Variants in GRAMD2B observed in about 807,000 individuals in gnomAD.
GRAMD2B encodes the protein GRAM domain containing 2B, also known as GRAM domain-containing protein 2B.
Under a neutral mutation model 59.2 loss-of-function variants are expected in GRAMD2B, and 41 were observed. That is an observed-to-expected ratio of 0.69 (90% CI 0.54 to 0.90). The LOEUF is 0.90. Ranked by LOEUF, GRAMD2B falls within the 40% of genes least tolerant of loss-of-function variation. GRAMD2B has a pLI of 0.00. For synonymous variants in GRAMD2B, 161 were observed against 182.7 expected (o/e 0.88, Z 0.96); for missense variants, 424 against 500.5 (o/e 0.85, Z 1.46).
intron 1 of GRAMD2B, among the ~76,000 whole-genome samples, chr5:126,424,450 G>A (rs1561502072): frequency 6.6e-6 from 1 of 152,150 alleles, no homozygotes; most frequent in African/African-American, 2.4e-5. Context: ...ATTTAGGAAG[G>A]AGGGATATGT....
chr5:126,463,280 C>A (rs551535739), intron 1 of GRAMD2B, among the ~76,000 whole-genome samples: 2 of 152,172 alleles, frequency 1.3e-5, no homozygotes, highest in African/African-American at 4.8e-5. Context: ...CAGTAAATAT[C>A]TGAATAAATG....
At chr5:126,371,022 T>C (rs1370948875), upstream of GRAMD2B, among the ~76,000 whole-genome samples, 3 of 152,202 alleles carry the variant, frequency 2.0e-5, no homozygotes, top group African/African-American at 7.2e-5. Flanking sequence ...TCCACATTGC[T>C]CACCCTGTTG....
At chr5:126,486,624 G>A (rs1045183223) in intron 11 of GRAMD2B, among the ~76,000 whole-genome samples, 3 of 152,188 alleles carry the variant, frequency 2.0e-5, no homozygotes, top group Non-Finnish European at 4.4e-5. Context: ...GTCTGGCTCT[G>A]ACCAGTGCTA....
At chr5:126,448,895 C>A (rs1764828898) in intron 1 of GRAMD2B, among the ~76,000 whole-genome samples, 2 of 152,186 alleles carry the variant, frequency 1.3e-5, no homozygotes, top group South Asian at 4.1e-4. Context: ...GCCTCAAACA[C>A]CTGTCTAACA....
At chr5:126,475,093 TTTACCCTGGAAAAATGTTACCA>T (rs1198709551) in intron 5 of GRAMD2B, among the ~76,000 whole-genome samples, 3 of 152,030 alleles carry the variant, frequency 2.0e-5, no homozygotes, top group Non-Finnish European at 2.9e-5. Flanking sequence ...TCTAAAGCAG[TTTACCCTGGAAAAATGTTACCA>T]TTACCCTGGA....
At chr5:126,380,813 G>C (rs572128552) in intron 1 of GRAMD2B, among the ~76,000 whole-genome samples, 268 of 152,180 alleles carry the variant, frequency 1.8e-3, no homozygotes, top group African/African-American at 6.2e-3. Flanking sequence ...GAGTTTTTAG[G>C]GTTTTCTAGG....
upstream of GRAMD2B, among the ~76,000 whole-genome samples, chr5:126,419,293 T>C (rs1037130064): frequency 6.6e-6 from 1 of 151,850 alleles, no homozygotes; most frequent in Non-Finnish European, 1.5e-5. Context: ...AGCACCATCT[T>C]CACATGGTGA....
chr5:126,457,003 TA>T (rs1766403107), intron 1 of GRAMD2B, among the ~76,000 whole-genome samples: 1 of 151,150 alleles, frequency 6.6e-6, no homozygotes, highest in African/African-American at 2.4e-5. Flanking sequence ...CCATCCTGGC[TA>T]ACACGGTGAA....
At chr5:126,434,433 C>A (rs939255604) in intron 1 of GRAMD2B, among the ~76,000 whole-genome samples, 1 of 152,138 alleles carries the variant, frequency 6.6e-6, no homozygotes, top group Admixed American at 6.5e-5. Flanking sequence ...AAACCCCCTC[C>A]CCATATTCCA....
chr5:126,416,990 G>A (rs928216452), intron 1 of GRAMD2B, among the ~76,000 whole-genome samples: 1 of 152,190 alleles, frequency 6.6e-6, no homozygotes, highest in Non-Finnish European at 1.5e-5. Flanking sequence ...AACAGCATGG[G>A]TTTTACCTGT....
At chr5:126,477,206 G>T (rs1770790052) in intron 5 of GRAMD2B, among the ~76,000 whole-genome samples, 1 of 152,036 alleles carries the variant, frequency 6.6e-6, no homozygotes, top group Non-Finnish European at 1.5e-5. Context: ...TCAGATTAAG[G>T]ATGCTCAACC....
chr5:126,376,661 G>A (rs1755215447), intron 1 of GRAMD2B, among the ~76,000 whole-genome samples: 1 of 152,186 alleles, frequency 6.6e-6, no homozygotes, highest in South Asian at 2.1e-4. Context: ...TCACAAGACT[G>A]CTATGTAGAG....
intron 1 of GRAMD2B, among the ~76,000 whole-genome samples, chr5:126,443,263 G>A (rs564146288): frequency 6.6e-6 from 1 of 152,272 alleles, no homozygotes; most frequent in South Asian, 2.1e-4. Flanking sequence ...AAATCGTTCT[G>A]ACATAGAAAG....
At chr5:126,389,052 A>G (rs1227922510) in intron 1 of GRAMD2B, among the ~76,000 whole-genome samples, 1 of 152,140 alleles carries the variant, frequency 6.6e-6, no homozygotes, top group Non-Finnish European at 1.5e-5. Flanking sequence ...TACTAACAAT[A>G]ATTCTTATTT....
intron 10 of GRAMD2B, 78 bp downstream of exon 10, chr5:126,484,602 A>C: frequency 7.8e-7 from 1 of 1,289,722 alleles, no homozygotes; most frequent in Non-Finnish European, 1.1e-6. Flanking sequence ...TTTTTTTTAG[A>C]CAGCATCTTG....
At chr5:126,378,798 A>G (rs1755417550) in intron 1 of GRAMD2B, among the ~76,000 whole-genome samples, 1 of 152,210 alleles carries the variant, frequency 6.6e-6, no homozygotes, top group South Asian at 2.1e-4. Flanking sequence ...AACTAATTTT[A>G]CACAAATGGT....
chr5:126,420,389 T>C (rs574523389), upstream of GRAMD2B, among the ~76,000 whole-genome samples: 1 of 152,306 alleles, frequency 6.6e-6, no homozygotes, highest in East Asian at 1.9e-4. Flanking sequence ...ACAATGCCTT[T>C]TAAACGTAAG....
chr5:126,394,164 A>T (rs1561475295), intron 1 of GRAMD2B, among the ~76,000 whole-genome samples: 1 of 151,546 alleles, frequency 6.6e-6, no homozygotes, highest in Non-Finnish European at 1.5e-5. Flanking sequence ...AGTCCCAGCT[A>T]CTCGGGAGGC....
At chr5:126,385,745 C>A (rs1337206753) in intron 1 of GRAMD2B, among the ~76,000 whole-genome samples, 1 of 152,158 alleles carries the variant, frequency 6.6e-6, no homozygotes, top group African/African-American at 2.4e-5. Context: ...AAAGAGGATT[C>A]TGAGTGTCTT....
Sources: gnomAD v4.1 joint callset for allele counts (sites outside exome capture counted in the v4.1 genomes callset) on GRCh38, gnomAD v4.1.1 for gene constraint, MANE v1.5 for transcripts, NCBI Gene and HGNC (gene_info 2026-07-23, HGNC 2026-07-21) for gene names.